MEIKIN: variants seen among roughly 807,000 people sequenced by gnomAD.
MEIKIN encodes meiotic kinetochore factor.
rs200181699 is a variant in MEIKIN at position 131,885,395 on chromosome 5, G to A, written c.704-6347C>T. Reference sequence around the variant, plus strand: ...AGAGAGAGAGAGAGAGAGAGAGAGAGAGAGAGAGAGAGAGAGAGAGAGAGA... The same window carrying A: ...AGAGAGAGAGAGAGAGAGAGAGAGAAAGAGAGAGAGAGAGAGAGAGAGAGA... On this transcript the variant is annotated intron_variant, in intron 8 of 12. Coordinates refer to ENST00000442687, the MANE Select transcript of MEIKIN (RefSeq NM_001303622.2). 7.7e-3 allele frequency among the ~76,000 whole-genome samples: 755 copies of A among 98,646 alleles called. 4 individuals carry two copies. Among genetic ancestry groups the A allele is most frequent in the East Asian group, 0.024 (42 of 1,782 alleles). The allele number at this position is 98,646 out of a possible 152,430, so 64.7% of individuals were successfully genotyped here. A position where few individuals can be genotyped will look rare whatever the true frequency, so the allele number is the denominator to read the frequency against.
intron 10 of MEIKIN, among the ~76,000 whole-genome samples, 168 bp from the exon 11 acceptor site, chr5:131,851,551 A>G (rs148497429): frequency 4.9e-4 from 75 of 152,360 alleles, no homozygotes; most frequent in African/African-American, 1.8e-3. Flanking sequence ...ACATTTGGAC[A>G]TAACTCTTCA....
At chr5:131,828,423 C>G (rs1749651920) in intron 11 of MEIKIN, among the ~76,000 whole-genome samples, 1 of 152,094 alleles carries the variant, frequency 6.6e-6, no homozygotes, top group Non-Finnish European at 1.5e-5. Context: ...TTTGACCTCC[C>G]AAAGTGCTGG....
chr5:131,821,092 G>A (rs1224643179), intron 11 of MEIKIN, among the ~76,000 whole-genome samples: 1 of 152,072 alleles, frequency 6.6e-6, no homozygotes, highest in African/African-American at 2.4e-5. Context: ...TGCGTCATTA[G>A]ATTGCTTATT....
At chr5:131,903,177 T>C (rs6880265) in intron 8 of MEIKIN, among the ~76,000 whole-genome samples, 14,045 of 152,112 alleles carry the variant, frequency 0.092, 1,490 homozygotes, top group African/African-American at 0.26. Flanking sequence ...CTATGAGTCA[T>C]TGGTACACCT....
rs1750443852 is a variant in MEIKIN, at chr5:131,869,302, A to G, written c.774+9676T>C. On this transcript the variant is annotated intron_variant, in intron 9 of 12. Transcript: ENST00000442687. The stretch of plus-strand genomic sequence containing the variant: ...CAGTTGACTATATTTATATGGGTCT[A>G]TTTCTGGGCTCTCTCTCTATTCTGT... Among the ~76,000 whole-genome samples, 3 of 152,102 alleles carry G rather than the reference A, an allele frequency of 2.0e-5. No homozygotes were observed. In the South Asian group the frequency reaches 6.2e-4, roughly 32 times the overall value.
chr5:131,813,371 A>C (rs1272908204), intron 12 of MEIKIN, among the ~76,000 whole-genome samples: 1 of 151,950 alleles, frequency 6.6e-6, no homozygotes, highest in Non-Finnish European at 1.5e-5. Context: ...AACTGAGAGG[A>C]GTGCACCCGG....
chr5:131,862,960 A>G (rs1180462299), intron 9 of MEIKIN, among the ~76,000 whole-genome samples: 2 of 152,140 alleles, frequency 1.3e-5, no homozygotes, highest in African/African-American at 4.8e-5. Flanking sequence ...CAGCCTCCCC[A>G]AGTGCTGGGA....
chr5:131,807,226 A>G lies in MEIKIN; in HGVS notation c.*10T>C. On this transcript the variant is annotated 3_prime_UTR_variant, in exon 13 of 13. Transcript: ENST00000442687. ...TTCAAAGTGGTGAAAATTCAGCCAC[A>G]GCTGTTTTTTCATGCCATTTTTATT... 2.5e-6 allele frequency: 1 copy of G among 398,548 alleles called. No homozygotes were observed. The highest frequency in any genetic ancestry group is 4.4e-6 in the Non-Finnish European group (1 of 226,042). The allele number at this position is 398,548 out of a possible 1,614,324, so 24.7% of individuals were successfully genotyped here.
chr5:131,938,165 C>CTA (rs1751813680), intron 4 of MEIKIN, among the ~76,000 whole-genome samples: 1 of 126,630 alleles, frequency 7.9e-6, no homozygotes, highest in African/African-American at 3.0e-5. Flanking sequence ...CCCTCACCCC[C>CTA]TTTTTTTTTT....
At chr5:131,893,821 G>C (rs544841489) in intron 8 of MEIKIN, among the ~76,000 whole-genome samples, 2 of 152,180 alleles carry the variant, frequency 1.3e-5, no homozygotes, top group Non-Finnish European at 2.9e-5. Flanking sequence ...CTCCCATTCT[G>C]TAGGTTGCCT....
intron 11 of MEIKIN, among the ~76,000 whole-genome samples, chr5:131,842,123 C>T (rs1175865349): frequency 5.9e-5 from 9 of 152,010 alleles, no homozygotes; most frequent in South Asian, 4.1e-4. Context: ...CATGCCATCA[C>T]GCCCAACTAA....
intron 3 of MEIKIN, 26 bp from the exon 4 acceptor site, chr5:131,942,721 T>C (rs1751894033): frequency 2.5e-6 from 1 of 397,858 alleles, no homozygotes; most frequent in African/African-American, 2.1e-5. Context: ...ATTAAAGCTA[T>C]AGCAAAATTA....
chr5:131,884,917 C>T (rs1333668275), intron 8 of MEIKIN, among the ~76,000 whole-genome samples: 2 of 151,708 alleles, frequency 1.3e-5, no homozygotes, highest in African/African-American at 2.4e-5. Flanking sequence ...CTGTGGTGGC[C>T]GTGGCCGCAG....
At chr5:131,851,233 T>C (rs895576993) in intron 11 of MEIKIN, 31 bp downstream of exon 11, 3 of 397,284 alleles carry the variant, frequency 7.6e-6, no homozygotes, top group Non-Finnish European at 8.9e-6. Context: ...TTATTTCCTT[T>C]AGTAATTGAA....
intron 12 of MEIKIN, 68 bp downstream of exon 12, chr5:131,818,672 A>G: frequency 2.6e-6 from 1 of 389,488 alleles, no homozygotes; most frequent in Non-Finnish European, 4.5e-6. Flanking sequence ...TGTGTACATA[A>G]GGCATTTTTA....
chr5:131,934,368 A>C (rs537085539), intron 4 of MEIKIN, among the ~76,000 whole-genome samples: 2 of 152,176 alleles, frequency 1.3e-5, no homozygotes, highest in East Asian at 1.9e-4. Context: ...ACACATACAC[A>C]AATATATTAA....
At chr5:131,819,599 T>C (rs1462854812) in intron 11 of MEIKIN, among the ~76,000 whole-genome samples, 2 of 24,008 alleles carry the variant, frequency 8.3e-5, no homozygotes, top group South Asian at 2.7e-3. Context: ...AGAAACTTCC[T>C]TTTTTTTTTT....
At chr5:131,860,280 G>GTT (rs79369868) in intron 9 of MEIKIN, among the ~76,000 whole-genome samples, 8,792 of 100,422 alleles carry the variant, frequency 0.088, 708 homozygotes, top group African/African-American at 0.23. Flanking sequence ...TTTATGCCTA[G>GTT]TTTTTTTTTT....
chr5:131,867,890 AGGAATGTAATTGCT>A (rs1750414683), intron 9 of MEIKIN, among the ~76,000 whole-genome samples: 1 of 152,230 alleles, frequency 6.6e-6, no homozygotes, highest in Non-Finnish European at 1.5e-5. Context: ...ATAAACACTA[AGGAATGTAATTGCT>A]GGATCATATA....
Sources: gnomAD v4.1 joint callset for allele counts (sites outside exome capture counted in the v4.1 genomes callset) on GRCh38, gnomAD v4.1.1 for gene constraint, MANE v1.5 for transcripts, NCBI Gene and HGNC (gene_info 2026-07-23, HGNC 2026-07-21) for gene names.